Variants in KCNC4 observed in about 807,000 individuals in gnomAD.
The protein encoded by KCNC4 is voltage-gated potassium channel KCNC4.
KCNC4 carries 23 observed loss-of-function variants against 42.8 expected under a neutral mutation model. That is an observed-to-expected ratio of 0.54 (90% CI 0.39 to 0.76). The LOEUF (loss-of-function observed/expected upper bound fraction) is 0.76. KCNC4 is among the 30% of genes least tolerant of loss of function. The pLI, the probability that KCNC4 is intolerant of heterozygous loss-of-function variation, is 0.00. For synonymous variants in KCNC4, 422 were observed against 393.5 expected (o/e 1.07, Z -0.86); for missense variants, 751 against 898.2 (o/e 0.84, Z 2.10).
Position 110,211,511 on chromosome 1 carries a change from G to A in KCNC4, c.12G>A (p.Ser4=). 2 of 1,613,676 alleles carry A rather than the reference G, an allele frequency of 1.2e-6. No individual in the cohort carries two copies. The highest frequency in any genetic ancestry group is 1.7e-6 in the Non-Finnish European group (2 of 1,179,836). The change falls in exon 1 of 4, where the codon TCG becomes TCA. Residue 4 remains serine (S), a synonymous_variant. Coordinates refer to ENST00000438661, the MANE Select transcript of KCNC4 (RefSeq NM_001039574.3). This position sits in a 1 kb window ranked among gnomAD's most constrained non-coding sequence, Gnocchi z 6.5. ...CCGCAGCGCTTCTTATGATCAGCTC[G>A]GTGTGTGTCTCCTCCTACCGCGGGC... The part of the protein sequence containing the change: MIS[S]VCVSSYRGRK...
downstream of KCNC4, chr1:110,238,264 C>T (rs1437330248): frequency 6.6e-6 from 1 of 152,306 alleles, no homozygotes; most frequent in South Asian, 2.1e-4. Flanking sequence ...CAAGCATATG[C>T]TATAGCCATC....
intron 1 of KCNC4, 145 bp downstream of exon 1, chr1:110,212,322 C>T: frequency 4.5e-6 from 4 of 883,050 alleles, no homozygotes; most frequent in South Asian, 6.1e-5. Context: ...AACCCCCCTC[C>T]GTGGCTCGCA....
intron 1 of KCNC4, among the ~76,000 whole-genome samples, chr1:110,270,595 C>T (rs1659618388): frequency 6.6e-6 from 1 of 152,154 alleles, no homozygotes; most frequent in South Asian, 2.1e-4. Flanking sequence ...GGTGTGAGCA[C>T]AAACCAGGAG....
chr1:110,213,508 G>A (rs922053526), intron 1 of KCNC4, among the ~76,000 whole-genome samples: 2 of 152,214 alleles, frequency 1.3e-5, no homozygotes, highest in African/African-American at 4.8e-5. Context: ...AAGCCAGGCT[G>A]GCATAAATGC....
intron 2 of KCNC4, chr1:110,224,104 C>T: frequency 1.7e-6 from 1 of 579,512 alleles, no homozygotes; most frequent in South Asian, 2.3e-5. Context: ...AACATCAGAT[C>T]TTTGGAGTGA....
rs368490387 is a variant in KCNC4 at position 110,211,646 on chromosome 1, C to G, written c.147C>G (p.Thr49=). ...ACGTGGGCGGCACGCGACATGAGACCTACCGCAGCACCCTGCGCACCCTAC... is the reference window on the plus strand; with the variant it reads ...ACGTGGGCGGCACGCGACATGAGACGTACCGCAGCACCCTGCGCACCCTAC... ...IINVGGTRHE[T]YRSTLRTLPG... is the part of the protein sequence containing the mutation. Residue 49 remains threonine, a synonymous_variant, in exon 1 of 4, where the codon ACC becomes ACG. Coordinates refer to ENST00000438661, the MANE Select transcript of KCNC4 (RefSeq NM_001039574.3). This position sits in a 1 kb window ranked among gnomAD's most constrained non-coding sequence, Gnocchi z 6.5. 4 of 1,613,648 alleles carry G rather than the reference C, an allele frequency of 2.5e-6. No individual in the cohort carries two copies. The African/African-American group carries it at 5.3e-5, about 22-fold the overall frequency.
downstream of KCNC4, chr1:110,283,151 C>T (rs1474164322): frequency 6.6e-6 from 1 of 152,146 alleles, no homozygotes; most frequent in Non-Finnish European, 1.5e-5. Flanking sequence ...TTAAAGCCCA[C>T]TCTCAAGGGA....
intron 3 of KCNC4, among the ~76,000 whole-genome samples, chr1:110,228,268 G>A (rs1658509877): frequency 6.6e-6 from 1 of 152,178 alleles, no homozygotes; most frequent in Non-Finnish European, 1.5e-5. Flanking sequence ...CAAGAAGGCT[G>A]ATGCTGGAGG....
In KCNC4 at chr1:110,265,353, TAAATAAAATAA is replaced by T. The variant is rs1659518865; in HGVS notation, n.31-17178_31-17168del. Among the ~76,000 whole-genome samples, 7 of 121,536 alleles carry T rather than the reference TAAATAAAATAA, an allele frequency of 5.8e-5. No homozygotes were observed. In the South Asian group the frequency reaches 2.0e-3, roughly 35 times the overall value. The allele number at this position is 121,536 out of a possible 152,430, so 79.7% of individuals were successfully genotyped here. ...AGTTTCCAGCAGCAGAAATAAAACA[TAAATAAAATAA>T]AATAAAATAAAATAAAATAAAATAA... is the stretch of plus-strand genomic sequence containing the variant. On this transcript the variant is annotated intron_variant and non_coding_transcript_variant, in intron 1 of 2. Coordinates refer to the KCNC4 transcript ENST00000412512.
intron 1 of KCNC4, among the ~76,000 whole-genome samples, chr1:110,267,781 G>A (rs906997885): frequency 6.6e-6 from 1 of 152,144 alleles, no homozygotes; most frequent in East Asian, 1.9e-4. Context: ...TAACCTCACA[G>A]GCTAAATTGG....
At chr1:110,215,430 A>C (rs145423659) in intron 1 of KCNC4, among the ~76,000 whole-genome samples, 1 of 152,276 alleles carries the variant, frequency 6.6e-6, no homozygotes, top group Non-Finnish European at 1.5e-5. Flanking sequence ...AGAAACCTGC[A>C]CCTTCTTTTC....
At chr1:110,212,300 C>T in intron 1 of KCNC4, 123 bp downstream of exon 1, 1 of 1,071,196 alleles carries the variant, frequency 9.3e-7, no homozygotes, top group South Asian at 2.7e-5. Flanking sequence ...AGATTGTTCC[C>T]GCCTTCCTCT....
intron 1 of KCNC4, among the ~76,000 whole-genome samples, chr1:110,259,600 C>A (rs1228386246): frequency 1.3e-5 from 2 of 152,108 alleles, no homozygotes; most frequent in African/African-American, 4.8e-5. Flanking sequence ...CTGCATTTGG[C>A]CTCACCCTTC....
At chr1:110,220,773 C>G (rs1381062761) in intron 1 of KCNC4, 1 of 152,214 alleles carries the variant, frequency 6.6e-6, no homozygotes, top group African/African-American at 2.4e-5. Context: ...CATGGAGAGC[C>G]CACAGGCTGG....
At chr1:110,260,641 AAAG>A (rs1659407549) in intron 1 of KCNC4, among the ~76,000 whole-genome samples, 1 of 152,248 alleles carries the variant, frequency 6.6e-6, no homozygotes, top group South Asian at 2.1e-4. Flanking sequence ...TCAGATCTGA[AAAG>A]AAGTTGACAG....
intron 1 of KCNC4, among the ~76,000 whole-genome samples, chr1:110,267,508 C>G (rs1233209655): frequency 6.6e-6 from 1 of 152,156 alleles, no homozygotes; most frequent in South Asian, 2.1e-4. Context: ...CATGAACACA[C>G]TCCTAAGTAC....
intron 1 of KCNC4, among the ~76,000 whole-genome samples, chr1:110,281,133 T>C (rs1197949931): frequency 6.6e-6 from 1 of 152,120 alleles, no homozygotes; most frequent in Non-Finnish European, 1.5e-5. Flanking sequence ...AAACCTTGCC[T>C]CATAATTTGG....
downstream of KCNC4, chr1:110,237,402 A>G (rs1571062383): frequency 6.6e-6 from 1 of 152,146 alleles, no homozygotes; most frequent in Admixed American, 6.5e-5. Context: ...TTTCCTCCCC[A>G]GAGGTGACAT....
At chr1:110,275,417 C>G (rs1381984773) in intron 1 of KCNC4, among the ~76,000 whole-genome samples, 1 of 152,080 alleles carries the variant, frequency 6.6e-6, no homozygotes, top group African/African-American at 2.4e-5. Flanking sequence ...GGTGGGAATG[C>G]AAATTAGTAC....
Sources: allele counts gnomAD v4.1 joint callset (sites outside exome capture counted in the v4.1 genomes callset), GRCh38; gene constraint gnomAD v4.1.1; non-coding constraint Gnocchi (gnomAD v3.1); transcripts MANE v1.5; gene names NCBI Gene and HGNC (gene_info 2026-07-23, HGNC 2026-07-21).